Variants in UBE2Z observed in about 807,000 individuals in gnomAD.
UBE2Z encodes ubiquitin-conjugating enzyme E2 Z.
UBE2Z carries 10 observed loss-of-function variants against 32.6 expected under a neutral mutation model. The ratio of observed to expected loss-of-function variants is 0.31; its 90% CI spans 0.19 to 0.52. UBE2Z has a LOEUF of 0.52. Among genes scored for constraint, UBE2Z ranks in the 20% least tolerant of loss-of-function variants. The probability of loss-of-function intolerance (pLI) is 0.97; values close to 1 mark genes in which losing one functional copy is unlikely to be tolerated. For synonymous variants in UBE2Z, 183 were observed against 190.8 expected (o/e 0.96, Z 0.34); for missense variants, 343 against 480.9 (o/e 0.71, Z 2.68).
Position 48,908,679 on chromosome 17 carries a change from G to C in UBE2Z, c.176G>C (p.Gly59Ala). ...GCAGCGGGCGGGGCCGGGGGCCCGG[G>C]GAGCGGCCTGGCTCCGCTGCCCGGG... ...AAAAGGAGGP[G>A]SGLAPLPGLP... The change falls in exon 1 of 7, where the codon GGG becomes GCG. Residue 59 changes from glycine (G) to alanine (A), a missense_variant. Physicochemically the swap from Gly to Ala is moderately conservative, Grantham distance 60 (BLOSUM62 0). Around this residue, in one of 4 missense-constraint regions of UBE2Z, gnomAD observed 103 missense variants for 96.2 expected, o/e 1.07. Coordinates refer to ENST00000360943, the MANE Select transcript of UBE2Z (RefSeq NM_023079.5). 1 of 1,228,368 alleles carries C rather than the reference G, an allele frequency of 8.1e-7. No individual in the cohort carries two copies. The highest frequency in any genetic ancestry group is 1.0e-6 in the Non-Finnish European group (1 of 986,298). 76.1% of individuals were successfully genotyped at this position (1,228,368 alleles called of 1,614,324 possible). A position where few individuals can be genotyped will look rare whatever the true frequency, so the allele number is the denominator to read the frequency against.
At chr17:48,913,248 G>A (rs1328440598) in intron 3 of UBE2Z, among the ~76,000 whole-genome samples, 1 of 152,162 alleles carries the variant, frequency 6.6e-6, no homozygotes, top group Non-Finnish European at 1.5e-5. Flanking sequence ...TCTTAAGAGT[G>A]TGGCCCTGAG....
Position 48,922,847 on chromosome 17 carries a change from A to C in UBE2Z, c.804A>C (p.Arg268=), listed in dbSNP as rs2040770122. The change falls in exon 6 of 7, where the codon CGA becomes CGC. Residue 268 remains arginine, a splice_region_variant and synonymous_variant. Transcript: ENST00000360943. ...TTACACTTTTCTGCTTGTTTTCCAG[A>C]GGGGTGATGGAGAAGTCCTTTCTGG... is the stretch of plus-strand genomic sequence containing the variant. ...EGKCPCPEPL[R]GVMEKSFLEY... The C allele has an allele frequency of 6.2e-7, 1 of 1,609,430 alleles. No homozygotes were observed. Among genetic ancestry groups the C allele is most frequent in the Non-Finnish European group, 8.5e-7 (1 of 1,176,820 alleles).
chr17:48,920,552 A>C (rs2040752053), intron 4 of UBE2Z, among the ~76,000 whole-genome samples: 1 of 152,010 alleles, frequency 6.6e-6, no homozygotes, highest in African/African-American at 2.4e-5. Flanking sequence ...GAATGTCTTT[A>C]GTCCCAGCTA....
intron 3 of UBE2Z, 38 bp from the exon 4 acceptor site, chr17:48,916,038 C>T: frequency 6.8e-7 from 1 of 1,465,252 alleles, no homozygotes; most frequent in Non-Finnish European, 9.3e-7. Flanking sequence ...CCTATTCTTT[C>T]TCTGCCTCAC....
chr17:48,923,781 G>A (rs953093716), intron 6 of UBE2Z, among the ~76,000 whole-genome samples: 1 of 150,524 alleles, frequency 6.6e-6, no homozygotes, highest in Admixed American at 6.6e-5. Context: ...TACTCAGGCT[G>A]GAGTGCAGTA....
At chr17:48,916,282 G>C (rs939867614) in intron 4 of UBE2Z, 95 bp downstream of exon 4, 50 of 463,732 alleles carry the variant, frequency 1.1e-4, no homozygotes, top group Non-Finnish European at 1.6e-4. Flanking sequence ...TTGAGACAGA[G>C]TCTTCCTCTG....
chr17:48,925,573 G>C (rs1309002360), intron 6 of UBE2Z, among the ~76,000 whole-genome samples: 2 of 152,170 alleles, frequency 1.3e-5, no homozygotes, highest in African/African-American at 2.4e-5. Context: ...ATATGTCCTA[G>C]TTTGTTCCCC....
intron 6 of UBE2Z, 48 bp from the exon 7 acceptor site, chr17:48,926,916 A>G (rs756180828): frequency 6.3e-7 from 1 of 1,575,464 alleles, no homozygotes; most frequent in Non-Finnish European, 8.6e-7. Context: ...CTCTAGGATC[A>G]GCCACCCAGA....
At chr17:48,922,981 C>T (rs1216256863) in intron 6 of UBE2Z, 44 bp downstream of exon 6, 5 of 1,541,676 alleles carry the variant, frequency 3.2e-6, no homozygotes, top group East Asian at 4.6e-5. Flanking sequence ...CTACAGCTGG[C>T]CATGTAAAAG....
intron 4 of UBE2Z, among the ~76,000 whole-genome samples, chr17:48,919,676 C>A (rs1598075258): frequency 6.6e-6 from 1 of 152,300 alleles, no homozygotes; most frequent in East Asian, 1.9e-4. Flanking sequence ...CGGGATCTCA[C>A]CATGTTGCCA....
chr17:48,916,246 G>C, intron 4 of UBE2Z, 59 bp downstream of exon 4: 1 of 709,734 alleles, frequency 1.4e-6, no homozygotes, highest in East Asian at 3.9e-5. Context: ...TGTTTGGTTG[G>C]TTGGTTTTTT....
chr17:48,919,720 C>T (rs557774235), intron 4 of UBE2Z, among the ~76,000 whole-genome samples: 10 of 151,870 alleles, frequency 6.6e-5, no homozygotes, highest in Admixed American at 4.0e-4. Context: ...TCAAGCGATC[C>T]GCCTGCATCG....
In UBE2Z at chr17:48,921,195, A is replaced by G; in HGVS notation, c.726A>G (p.Glu242=). The G allele has an allele frequency of 6.2e-7, 1 of 1,612,672 alleles. No individual in the cohort carries two copies. The change falls in exon 5 of 7, where the codon GAA becomes GAG. Residue 242 remains glutamate, a synonymous_variant. Coordinates refer to ENST00000360943, the MANE Select transcript of UBE2Z (RefSeq NM_023079.5). ...CAGGAGACAGCAAAAACTATAATGA[A>G]TGTATCCGGCACGAGACCATCAGAG... ...RHPGDSKNYN[E]CIRHETIRVA...
intron 2 of UBE2Z, 71 bp downstream of exon 2, chr17:48,910,951 A>G: frequency 8.2e-7 from 1 of 1,223,996 alleles, no homozygotes; most frequent in Non-Finnish European, 1.2e-6. Flanking sequence ...AGCCTAAAAG[A>G]GATTATTCAG....
At position 48,916,166 on chromosome 17, in the gene UBE2Z, C is replaced by T; in HGVS notation, c.669C>T (p.His223=). 6.3e-7 allele frequency: 1 copy of T among 1,578,032 alleles called. No homozygotes were observed. The highest frequency in any genetic ancestry group is 8.6e-7 in the Non-Finnish European group (1 of 1,164,784). Residue 223 remains histidine (H), a synonymous_variant, in exon 4 of 7, where the codon CAC becomes CAT. Transcript: ENST00000360943. The part of the protein sequence containing the change: ...IQSLMTENPY[H]NEPGFEQERH... ...CCCTGATGACTGAGAACCCCTATCA[C>T]AATGAGCCCGGCTTTGAACAGGTAA... is the stretch of plus-strand genomic sequence containing the variant.
At chr17:48,914,996 G>C (rs1367248118) in intron 3 of UBE2Z, among the ~76,000 whole-genome samples, 1 of 152,164 alleles carries the variant, frequency 6.6e-6, no homozygotes, top group African/African-American at 2.4e-5. Flanking sequence ...ACTCCAGCCT[G>C]GGTGACAGAG....
In UBE2Z at chr17:48,927,151, C is replaced by T. The variant is rs1230720889; in HGVS notation, c.*17C>T. On this transcript the variant is annotated 3_prime_UTR_variant, in exon 7 of 7. Coordinates refer to ENST00000360943, the MANE Select transcript of UBE2Z (RefSeq NM_023079.5). ...AGGGTTTAGACCCTGCTCCCATCTCCCCTTCCCCCACTCAAGAGTCCCAGC... is the reference window on the plus strand; with the variant it reads ...AGGGTTTAGACCCTGCTCCCATCTCTCCTTCCCCCACTCAAGAGTCCCAGC... 1.2e-6 allele frequency: 2 copies of T among 1,612,498 alleles called. No homozygotes were observed. The highest frequency in any genetic ancestry group is 4.5e-5 in the East Asian group (2 of 44,866).
rs190249530 is a variant in UBE2Z at position 48,909,819 on chromosome 17, A to G, written c.318-989A>G. Among the ~76,000 whole-genome samples, 627 of 151,958 alleles carry G rather than the reference A, an allele frequency of 4.1e-3. 8 individuals carry two copies. The highest frequency in any genetic ancestry group is 0.015 in the African/African-American group (606 of 41,440). On this transcript the variant is annotated intron_variant, in intron 1 of 6. Transcript: ENST00000360943. ...CATCTTCGTTTAGTTCTTATTCCCC[A>G]TGTTCCACGTCCTTTCAGATGTCTC...
rs769308563 is a variant in UBE2Z at position 48,910,797 on chromosome 17, G to C, written c.318-11G>C. On this transcript the variant is annotated splice_polypyrimidine_tract_variant and intron_variant, in intron 1 of 6. Coordinates refer to ENST00000360943, the MANE Select transcript of UBE2Z (RefSeq NM_023079.5). Reference sequence around the variant, plus strand: ...TCACTCCTTCCCCCACCTCCTCTTGGTGTTATACAGGGATATCATGTCCAT... The same window carrying C: ...TCACTCCTTCCCCCACCTCCTCTTGCTGTTATACAGGGATATCATGTCCAT... 2.5e-6 allele frequency: 4 copies of C among 1,607,078 alleles called. No homozygotes were observed. The South Asian group carries it at 3.3e-5, about 13-fold the overall frequency.
Sources: allele counts gnomAD v4.1 joint callset (sites outside exome capture counted in the v4.1 genomes callset), GRCh38; gene constraint gnomAD v4.1.1; regional missense constraint gnomAD v4.1.1; transcripts MANE v1.5; gene names NCBI Gene and HGNC (gene_info 2026-07-23, HGNC 2026-07-21).